TNS1: variants seen among roughly 807,000 people sequenced by gnomAD.
The protein encoded by TNS1 is tensin-1.
TNS1 carries 62 observed loss-of-function variants against 168.6 expected under a neutral mutation model. The ratio of observed to expected loss-of-function variants is 0.37; its 90% CI spans 0.30 to 0.45. The LOEUF is 0.45. Ranked by LOEUF, TNS1 falls within the 20% of genes least tolerant of loss-of-function variation. The pLI, the probability that TNS1 is intolerant of heterozygous loss-of-function variation, is 1.00. For synonymous variants in TNS1, 934 were observed against 933.2 expected (o/e 1.00, Z -0.02); for missense variants, 2,240 against 2,339.4 (o/e 0.96, Z 0.88).
At chr2:217,918,359 T>A (rs1459624154) in intron 4 of TNS1, among the ~76,000 whole-genome samples, 1 of 152,126 alleles carries the variant, frequency 6.6e-6, no homozygotes, top group Non-Finnish European at 1.5e-5. Context: ...GGAGGCGGGT[T>A]GTGACTCAGG....
chr2:217,831,417 C>G (rs765201042), intron 22 of TNS1, 38 bp downstream of exon 22: 6 of 1,522,814 alleles, frequency 3.9e-6, no homozygotes, highest in African/African-American at 1.4e-5. Flanking sequence ...TCCTCCTCCC[C>G]CTGGCCCCCC....
chr2:217,836,327 C>T (rs1247990971), intron 19 of TNS1, 116 bp from the exon 20 acceptor site: 4 of 1,013,254 alleles, frequency 3.9e-6, no homozygotes, highest in African/African-American at 1.6e-5. Flanking sequence ...TGCTGGGGCT[C>T]GCCTGTCATC....
chr2:217,937,252 T>C (rs183180223), intron 3 of TNS1: 272 of 349,698 alleles, frequency 7.8e-4, no homozygotes, highest in African/African-American at 5.1e-3. Context: ...GCACCTTAAC[T>C]GGCATAGGGT....
chr2:217,893,379 C>T, intron 10 of TNS1, 60 bp downstream of exon 10: 6 of 1,517,434 alleles, frequency 4.0e-6, no homozygotes, highest in Non-Finnish European at 5.3e-6. Flanking sequence ...GGCACACACA[C>T]ATGTGCGCAT....
rs927715842 is a variant in TNS1, at chr2:217,799,929, G to A, written c.*4530C>T. The stretch of plus-strand genomic sequence containing the variant: ...GGAGCATACACCAGGATTTATACAC[G>A]GTGGCAGCGGCTATAGGCACGATGA... On this transcript the variant is annotated 3_prime_UTR_variant, in exon 33 of 33. Coordinates refer to ENST00000682258, the MANE Select transcript of TNS1 (RefSeq NM_001387777.1). 3 of 152,168 alleles carry A rather than the reference G, an allele frequency of 2.0e-5. No individual in the cohort carries two copies. In the East Asian group the frequency reaches 5.8e-4, roughly 29 times the overall value. 9.4% of individuals were successfully genotyped at this position (152,168 alleles called of 1,614,324 possible). A position where few individuals can be genotyped will look rare whatever the true frequency, so the allele number is the denominator to read the frequency against.
intron 3 of TNS1, among the ~76,000 whole-genome samples, chr2:217,954,309 C>A (rs1957308960): frequency 6.6e-6 from 1 of 152,192 alleles, no homozygotes; most frequent in Admixed American, 6.5e-5. Flanking sequence ...TGCGGTCCCC[C>A]ATCCTGTGTG....
chr2:217,918,116 G>A (rs1019987417), intron 4 of TNS1, among the ~76,000 whole-genome samples: 9 of 152,208 alleles, frequency 5.9e-5, no homozygotes, highest in Non-Finnish European at 1.3e-4. Flanking sequence ...CTGAGCTTTT[G>A]CTCCAGTGAG....
At chr2:218,025,797 C>A (rs1434475978) in intron 1 of TNS1, among the ~76,000 whole-genome samples, 1 of 152,176 alleles carries the variant, frequency 6.6e-6, no homozygotes, top group African/African-American at 2.4e-5. Context: ...CTGTCTCAGC[C>A]TGCCGGGTGG....
chr2:218,012,894 T>G (rs1958718721), upstream of TNS1, among the ~76,000 whole-genome samples: 1 of 152,038 alleles, frequency 6.6e-6, no homozygotes, highest in Non-Finnish European at 1.5e-5. Context: ...GGGGTTCTAA[T>G]CCCAAATGAT....
At chr2:217,838,320 C>G (rs1490335148) in intron 19 of TNS1, among the ~76,000 whole-genome samples, 1 of 152,254 alleles carries the variant, frequency 6.6e-6, no homozygotes, top group Non-Finnish European at 1.5e-5. Flanking sequence ...AAAGCTTTCT[C>G]CATGTTCAGG....
chr2:217,926,621 G>C (rs1391189512), intron 3 of TNS1, among the ~76,000 whole-genome samples: 2 of 152,188 alleles, frequency 1.3e-5, no homozygotes, highest in Non-Finnish European at 2.9e-5. Context: ...GAGAAGTTAA[G>C]CAATTTACCC....
At chr2:217,926,400 C>A (rs539217927) in intron 3 of TNS1, among the ~76,000 whole-genome samples, 4 of 152,156 alleles carry the variant, frequency 2.6e-5, no homozygotes, top group African/African-American at 9.7e-5. Flanking sequence ...TACACCACTT[C>A]GTGTTTTTCT....
intron 6 of TNS1, among the ~76,000 whole-genome samples, chr2:217,901,495 G>A (rs1575014098): frequency 1.3e-5 from 2 of 152,090 alleles, no homozygotes; most frequent in African/African-American, 4.8e-5. Flanking sequence ...ACCCTGCATC[G>A]CCTCTACCCA....
chr2:217,824,238 C>A (rs2125219965), intron 22 of TNS1, among the ~76,000 whole-genome samples: 1 of 152,340 alleles, frequency 6.6e-6, no homozygotes, highest in Non-Finnish European at 1.5e-5. Flanking sequence ...TCTAACCTAT[C>A]TCCTCAGCCC....
At chr2:217,873,954 T>C (rs1949990899) in intron 18 of TNS1, among the ~76,000 whole-genome samples, 1 of 151,872 alleles carries the variant, frequency 6.6e-6, no homozygotes, top group South Asian at 2.1e-4. Flanking sequence ...CCTAAATATG[T>C]AAGTCAGGAA....
intron 18 of TNS1, 127 bp from the exon 19 acceptor site, chr2:217,849,214 A>C: frequency 7.8e-6 from 9 of 1,155,268 alleles, no homozygotes; most frequent in South Asian, 3.1e-5. Context: ...ACCTCCTCTC[A>C]CCACCCTGAG....
intron 1 of TNS1, among the ~76,000 whole-genome samples, chr2:217,991,643 T>A (rs1252433992): frequency 1.3e-5 from 2 of 152,080 alleles, no homozygotes; most frequent in African/African-American, 4.8e-5. Context: ...ACACAGCTTC[T>A]CCTTTGTCTC....
intron 22 of TNS1, among the ~76,000 whole-genome samples, chr2:217,826,433 C>A (rs1000747926): frequency 1.3e-5 from 2 of 152,162 alleles, no homozygotes; most frequent in African/African-American, 4.8e-5. Context: ...ACCCACCACC[C>A]GTGCACTTAC....
chr2:218,001,975 A>G (rs1481748398), intron 1 of TNS1, among the ~76,000 whole-genome samples: 1 of 151,658 alleles, frequency 6.6e-6, no homozygotes, highest in Non-Finnish European at 1.5e-5. Flanking sequence ...CACCCTCCTG[A>G]CCCCATGCAT....
Sources: allele counts gnomAD v4.1 joint callset (sites outside exome capture counted in the v4.1 genomes callset), GRCh38; gene constraint gnomAD v4.1.1; transcripts MANE v1.5; gene names NCBI Gene and HGNC (gene_info 2026-07-23, HGNC 2026-07-21).